Variants in HMCN2 observed in about 807,000 individuals in gnomAD.
HMCN2 encodes the protein hemicentin-2.
HMCN2 carries 325 observed loss-of-function variants against 377.5 expected under a neutral mutation model. The ratio of observed to expected loss-of-function variants is 0.86; its 90% CI spans 0.79 to 0.94. HMCN2 has a LOEUF of 0.94. HMCN2 is among the 40% of genes least tolerant of loss of function. The probability of loss-of-function intolerance (pLI) is 0.00; values close to 1 mark genes in which losing one functional copy is unlikely to be tolerated. For missense variants in HMCN2, 4,543 were observed against 4,725.3 expected, an observed-to-expected ratio of 0.96 and a Z score of 1.13; for synonymous variants, 2,007 against 2,046.8, an observed-to-expected ratio of 0.98 and a Z score of 0.53.
Position 130,386,145 on chromosome 9 carries a change from C to G in HMCN2, c.9310-298C>G, listed in dbSNP as rs376099285. ...TGTTGGATGAATGTTTGCTGTCCCC[C>G]TCGAAATCCATTCCTGGCCAGGCTC... is the stretch of plus-strand genomic sequence containing the variant. On this transcript the variant is annotated intron_variant, in intron 60 of 97. Transcript: ENST00000683500. Among the ~76,000 whole-genome samples, 73 of 152,310 alleles carry G rather than the reference C, an allele frequency of 4.8e-4. 2 individuals are homozygous for G. The South Asian group carries it at 0.015, about 31-fold the overall frequency.
chr9:130,305,952 T>C (rs1836827548), intron 11 of HMCN2, among the ~76,000 whole-genome samples, 177 bp from the exon 12 acceptor site: 1 of 152,190 alleles, frequency 6.6e-6, no homozygotes, highest in Non-Finnish European at 1.5e-5. Context: ...AGGGGCCGCC[T>C]GGTCTACCCA....
intron 49 of HMCN2, 79 bp from the exon 50 acceptor site, chr9:130,375,484 G>A (rs977645739): frequency 4.3e-5 from 35 of 819,046 alleles, no homozygotes; most frequent in African/African-American, 4.3e-4. Flanking sequence ...GCCAAGCACC[G>A]GGGTCTGAGG....
At position 130,398,537 on chromosome 9, in the gene HMCN2, T is replaced by C; in HGVS notation, c.11327-14T>C. On this transcript the variant is annotated splice_polypyrimidine_tract_variant and intron_variant, in intron 74 of 97. Transcript: ENST00000683500. ...CCCCCTGCACCTGTCTCCTGACCAC[T>C]GTGCTCTCCCCAGAGCCTCCAGCCA... The C allele has an allele frequency of 1.7e-6, 2 of 1,202,074 alleles. No homozygotes were observed. Among genetic ancestry groups the C allele is most frequent in the Non-Finnish European group, 2.1e-6 (2 of 938,840 alleles). The allele number at this position is 1,202,074 out of a possible 1,614,324, so 74.5% of individuals were successfully genotyped here. A position where few individuals can be genotyped will look rare whatever the true frequency, so the allele number is the denominator to read the frequency against.
rs1341087377 is a variant in HMCN2, at chr9:130,265,958, G to T, written c.80G>T (p.Gly27Val). The change falls in exon 1 of 98, where the codon GGG becomes GTG. Residue 27 changes from glycine to valine, a missense_variant. Around this residue, in one of 5 missense-constraint regions of HMCN2, gnomAD observed 547 missense variants for 189.9 expected, o/e 2.88. Coordinates refer to ENST00000683500, the MANE Select transcript of HMCN2 (RefSeq NM_001291815.2). ...AVAVAVAGAP[G>V]TVMPPTTGDA... ...GCAGTGGCAGTGGCCGGGGCGCCCG[G>T]GACGGTAATGCCCCCCACCACGGGG... The T allele has an allele frequency of 2.2e-6, 1 of 457,356 alleles. No individual in the cohort carries two copies. Among genetic ancestry groups the T allele is most frequent in the African/African-American group, 2.0e-5 (1 of 49,136 alleles). 28.3% of individuals were successfully genotyped at this position (457,356 alleles called of 1,614,324 possible). A position where few individuals can be genotyped will look rare whatever the true frequency, so the allele number is the denominator to read the frequency against.
Position 130,391,081 on chromosome 9 carries a change from C to A in HMCN2, c.9628C>A (p.Gln3210Lys). The change falls in exon 63 of 98, where the codon CAG (glutamine) becomes AAG (lysine). Residue 3210 changes from glutamine to lysine, a missense_variant. Transcript: ENST00000683500. The stretch of plus-strand genomic sequence containing the variant: ...CTACACGTGCGTGGCTGAGAACACC[C>A]AGGCTGAGGCCCGCAAGGACTTCGT... ...GTYTCVAENTQAEARKDFVVA... is the reference protein window; with the variant it reads ...GTYTCVAENTKAEARKDFVVA... 1 of 987,822 alleles carries A rather than the reference C, an allele frequency of 1.0e-6. No individual in the cohort carries two copies. 61.2% of individuals were successfully genotyped at this position (987,822 alleles called of 1,614,324 possible).
chr9:130,392,182 C>G (rs1188183703), intron 66 of HMCN2, 64 bp downstream of exon 66: 1 of 976,838 alleles, frequency 1.0e-6, no homozygotes, highest in Non-Finnish European at 1.2e-6. Flanking sequence ...GGATTGTCAG[C>G]AAATGGGAGG....
At position 130,430,630 on chromosome 9, in the gene HMCN2, G is replaced by A. The variant is rs548945082; in HGVS notation, c.14647+26G>A. On this transcript the variant is annotated intron_variant, in intron 95 of 97. Transcript: ENST00000683500. ...GTAAGGCCAGGCCCTGACCATCCAC[G>A]GGACACTGCCGTTATGGGCTCTTGG... The A allele has an allele frequency of 1.7e-4, 261 of 1,527,214 alleles. 4 individuals are homozygous for A. The highest frequency in any genetic ancestry group is 1.2e-3 in the Middle Eastern group (7 of 5,876). 94.6% of individuals were successfully genotyped at this position (1,527,214 alleles called of 1,614,324 possible).
intron 22 of HMCN2, among the ~76,000 whole-genome samples, chr9:130,332,546 C>G (rs959410936): frequency 6.6e-6 from 1 of 152,174 alleles, no homozygotes; most frequent in Non-Finnish European, 1.5e-5. Context: ...GCACCATCCT[C>G]GTTAGCAGCA....
chr9:130,309,547 A>AT (rs1205087677), intron 14 of HMCN2, among the ~76,000 whole-genome samples: 4 of 151,338 alleles, frequency 2.6e-5, no homozygotes, highest in Non-Finnish European at 5.9e-5. Context: ...AGGAAAAAAA[A>AT]GAAAAATGAT....
chr9:130,357,161 A>G (rs1375519405), intron 34 of HMCN2, among the ~76,000 whole-genome samples: 2 of 130,442 alleles, frequency 1.5e-5, no homozygotes, highest in African/African-American at 6.0e-5. Context: ...TGGATGGGTA[A>G]ATGGATAGAT....
chr9:130,343,709 T>C (rs965297497), intron 25 of HMCN2, among the ~76,000 whole-genome samples: 1 of 152,240 alleles, frequency 6.6e-6, no homozygotes, highest in Admixed American at 6.5e-5. Flanking sequence ...GTCCTGAGCC[T>C]GTCAGCCTCA....
intron 15 of HMCN2, among the ~76,000 whole-genome samples, chr9:130,312,319 C>T (rs1475791878): frequency 6.6e-6 from 1 of 151,824 alleles, no homozygotes; most frequent in African/African-American, 2.4e-5. Context: ...GTCTGTGGCA[C>T]GTGAGCTGTG....
chr9:130,379,536 T>C (rs1841586346), intron 54 of HMCN2, 69 bp downstream of exon 54: 1 of 705,674 alleles, frequency 1.4e-6, no homozygotes, highest in Non-Finnish European at 1.7e-6. Context: ...TGTGTGACCT[T>C]AAGCAGAGCA....
At chr9:130,352,221 A>T (rs1415394517) in intron 30 of HMCN2, among the ~76,000 whole-genome samples, 1 of 152,258 alleles carries the variant, frequency 6.6e-6, no homozygotes, top group Non-Finnish European at 1.5e-5. Flanking sequence ...ATTCTTATAA[A>T]GGATATTTAA....
At chr9:130,291,977 T>A (rs1306718721) in intron 4 of HMCN2, among the ~76,000 whole-genome samples, 2 of 152,118 alleles carry the variant, frequency 1.3e-5, no homozygotes, top group Non-Finnish European at 2.9e-5. Flanking sequence ...CCCTGTCCCA[T>A]GTTCTGGATT....
rs1475915980 is a variant in HMCN2, at chr9:130,393,709, A to G, written c.10235-33A>G. On this transcript the variant is annotated intron_variant, in intron 67 of 97. Transcript: ENST00000683500. This position sits in a 1 kb window ranked among gnomAD's most constrained non-coding sequence, Gnocchi z 5.2. The stretch of plus-strand genomic sequence containing the variant: ...ACTGGAGATGAGAGTCCTGGAATAA[A>G]ATGGTTCCTGCCCACCTTTCTGCCC... The G allele has an allele frequency of 8.3e-7, 1 of 1,207,686 alleles. No homozygotes were observed. Among genetic ancestry groups the G allele is most frequent in the Non-Finnish European group, 1.1e-6 (1 of 950,320 alleles). 74.8% of individuals were successfully genotyped at this position (1,207,686 alleles called of 1,614,324 possible). A position where few individuals can be genotyped will look rare whatever the true frequency, so the allele number is the denominator to read the frequency against.
chr9:130,388,295 G>C (rs1000378911), intron 61 of HMCN2, 114 bp from the exon 62 acceptor site: 1 of 662,166 alleles, frequency 1.5e-6, no homozygotes, highest in African/African-American at 2.0e-5. Flanking sequence ...ATAAAACATA[G>C]AATGGGAACT....
chr9:130,322,915 G>A (rs1837930510), intron 19 of HMCN2, among the ~76,000 whole-genome samples: 1 of 152,144 alleles, frequency 6.6e-6, no homozygotes. Flanking sequence ...GTTTCATAAA[G>A]CCCCCAAGGG....
At chr9:130,395,461 C>A in intron 71 of HMCN2, 114 bp downstream of exon 71, 1 of 908,512 alleles carries the variant, frequency 1.1e-6, no homozygotes, top group Non-Finnish European at 1.5e-6. Flanking sequence ...CTGAGCTGCA[C>A]TTTGCACCCT....
Sources: allele counts gnomAD v4.1 joint callset (sites outside exome capture counted in the v4.1 genomes callset), GRCh38; gene constraint gnomAD v4.1.1; regional missense constraint gnomAD v4.1.1; non-coding constraint Gnocchi (gnomAD v3.1); transcripts MANE v1.5; gene names NCBI Gene and HGNC (gene_info 2026-07-23, HGNC 2026-07-21).